The following MBNL2 variants were observed in gnomAD, a reference collection of about 807,000 sequenced individuals.
MBNL2 encodes the protein muscleblind-like protein 2.
In MBNL2, 17 loss-of-function variants were observed where a neutral mutation model predicts 41.9. The observed-to-expected ratio is 0.41, with a 90% CI of 0.28 to 0.61. The LOEUF (loss-of-function observed/expected upper bound fraction) is 0.61. MBNL2 is among the 20% of genes least tolerant of loss of function. The pLI, the probability that MBNL2 is intolerant of heterozygous loss-of-function variation, is 0.35. For synonymous variants in MBNL2, 195 were observed against 182.9 expected (o/e 1.07, Z -0.53); for missense variants, 336 against 505.6 (o/e 0.66, Z 3.22).
At chr13:97,262,986 C>T (rs1280319166) in intron 1 of MBNL2, among the ~76,000 whole-genome samples, 1 of 151,830 alleles carries the variant, frequency 6.6e-6, no homozygotes, top group Non-Finnish European at 1.5e-5. Flanking sequence ...GTAGTTTCAC[C>T]ACGTTGCCCA....
At position 97,376,882 on chromosome 13, in the gene MBNL2, A is replaced by G. The variant is rs527413956; in HGVS notation, c.1048+11711A>G. Among the ~76,000 whole-genome samples the G allele has an allele frequency of 5.0e-3, 756 of 152,354 alleles. 4 individuals carry two copies. Among genetic ancestry groups the G allele is most frequent in the African/African-American group, 0.017 (696 of 41,566 alleles). On this transcript the variant is annotated intron_variant, in intron 8 of 8. Coordinates refer to ENST00000679496, the MANE Select transcript of MBNL2 (RefSeq NM_001382683.1). ...AATTGGAATAGGAGCCCAGATGGGC[A>G]AAGTGGCTTACCCAATTCACACACA... is the stretch of plus-strand genomic sequence containing the variant.
At chr13:97,260,353 C>CA (rs1169073961) in intron 1 of MBNL2, among the ~76,000 whole-genome samples, 127 of 152,304 alleles carry the variant, frequency 8.3e-4, no homozygotes, top group Non-Finnish European at 1.7e-3. Context: ...TCTTGACAGT[C>CA]CCGCTCTGTG....
intron 1 of MBNL2, among the ~76,000 whole-genome samples, chr13:97,234,852 A>G (rs2042984396): frequency 6.6e-6 from 1 of 152,222 alleles, no homozygotes; most frequent in African/African-American, 2.4e-5. Context: ...AGTAGCGCTC[A>G]GTCCTCCCGA....
At chr13:97,158,678 A>T in the MBNL2 span, among the ~76,000 whole-genome samples, 25 of 152,036 alleles carry the variant, frequency 1.6e-4, no homozygotes, top group African/African-American at 3.6e-4. Context: ...AGGAGCAGGT[A>T]GTTCAGTTTC....
Position 97,272,062 on chromosome 13 carries a change from T to C in MBNL2, c.-604-3570T>C, listed in dbSNP as rs560352614. On this transcript the variant is annotated intron_variant, in intron 1 of 8. Transcript: ENST00000679496. Reference sequence around the variant, plus strand: ...CACCAACAGTATAAAAGCATTCCTATTTCTCCACAGCCTCGCCAGCATCTA... The same window carrying C: ...CACCAACAGTATAAAAGCATTCCTACTTCTCCACAGCCTCGCCAGCATCTA... Among the ~76,000 whole-genome samples the C allele has an allele frequency of 3.1e-4, 47 of 152,334 alleles. 1 individual carries two copies. In the South Asian group the frequency reaches 9.5e-3, roughly 31 times the overall value.
rs1234940311 is a variant in MBNL2, at chr13:97,393,372, ATTG to A, written c.*1928_*1930del. 3 of 152,318 alleles carry A rather than the reference ATTG, an allele frequency of 2.0e-5. No homozygotes were observed. The highest frequency in any genetic ancestry group is 2.1e-4 in the South Asian group (1 of 4,832). 9.4% of individuals were successfully genotyped at this position (152,318 alleles called of 1,614,324 possible). On this transcript the variant is annotated 3_prime_UTR_variant, in exon 9 of 9. Coordinates refer to ENST00000679496, the MANE Select transcript of MBNL2 (RefSeq NM_001382683.1). ...ATCACTGAAATATTTTTGTAGATTAATTGTTGTAACATTGTCTTTCTTTTTTTT... is the reference window on the plus strand; with the variant it reads ...ATCACTGAAATATTTTTGTAGATTAATTGTAACATTGTCTTTCTTTTTTTT...
rs1418529448 is a variant in MBNL2, at chr13:97,268,829, A to G, written c.-604-6803A>G. Among the ~76,000 whole-genome samples, 1 of 152,214 alleles carries G rather than the reference A, an allele frequency of 6.6e-6. No individual in the cohort carries two copies. Among genetic ancestry groups the G allele is most frequent in the East Asian group, 1.9e-4 (1 of 5,202 alleles). On this transcript the variant is annotated intron_variant, in intron 1 of 8. Coordinates refer to ENST00000679496, the MANE Select transcript of MBNL2 (RefSeq NM_001382683.1). The surrounding 1 kb of genome is among the most constrained non-coding windows in gnomAD (Gnocchi z 4.6). ...TACACTGTGGGGAGGCAGATGGAGA[A>G]ATCAGTATTTACAGTTCTTGTGAAT... is the stretch of plus-strand genomic sequence containing the variant.
chr13:97,301,324 A>G (rs1467409856), intron 2 of MBNL2, among the ~76,000 whole-genome samples: 1 of 152,192 alleles, frequency 6.6e-6, no homozygotes, highest in African/African-American at 2.4e-5. Context: ...GAGAAAATGA[A>G]GCAGAGAGCT....
chr13:97,391,139 G>A (rs2066372356), intron 8 of MBNL2, among the ~76,000 whole-genome samples, 183 bp from the exon 9 acceptor site: 1 of 152,108 alleles, frequency 6.6e-6, no homozygotes, highest in Admixed American at 6.6e-5. Flanking sequence ...AGCAGAAGTG[G>A]TTAAGTGTAA....
intron 2 of MBNL2, among the ~76,000 whole-genome samples, chr13:97,326,003 T>C (rs1159584859): frequency 1.4e-4 from 21 of 152,146 alleles, no homozygotes. Context: ...GATAGCAAGC[T>C]ATCCTAAATG....
At chr13:97,342,219 A>T (rs1482885189) in intron 3 of MBNL2, among the ~76,000 whole-genome samples, 1 of 152,218 alleles carries the variant, frequency 6.6e-6, no homozygotes, top group African/African-American at 2.4e-5. Context: ...TCATCACCTC[A>T]ACCCACTAGC....
intron 1 of MBNL2, among the ~76,000 whole-genome samples, chr13:97,249,539 T>A (rs536359428): frequency 6.6e-6 from 1 of 152,368 alleles, no homozygotes; most frequent in East Asian, 1.9e-4. Flanking sequence ...TAATGTCTGA[T>A]GAAATGAAGA....
chr13:97,182,571 T>C, the MBNL2 span, among the ~76,000 whole-genome samples: 1 of 152,194 alleles, frequency 6.6e-6, no homozygotes, highest in South Asian at 2.1e-4. Context: ...ACTCAGATAA[T>C]CTAGGCTTGG....
At chr13:97,212,668 T>C in the MBNL2 span, among the ~76,000 whole-genome samples, 2 of 152,194 alleles carry the variant, frequency 1.3e-5, no homozygotes, top group Admixed American at 1.3e-4. Flanking sequence ...TTCCCATCTG[T>C]AAACCTGAGA....
chr13:97,277,223 G>A (rs770918358), intron 2 of MBNL2, among the ~76,000 whole-genome samples: 1 of 152,154 alleles, frequency 6.6e-6, no homozygotes, highest in Non-Finnish European at 1.5e-5. Flanking sequence ...TCTAGAAGTG[G>A]CATGAGTTAA....
chr13:97,348,606 G>C (rs1450715761), intron 5 of MBNL2, among the ~76,000 whole-genome samples: 2 of 152,176 alleles, frequency 1.3e-5, no homozygotes, highest in African/African-American at 4.8e-5. Flanking sequence ...CCCTCAAGGA[G>C]TTTGGAGTTA....
At chr13:97,336,489 C>T (rs2060895476) in intron 3 of MBNL2, among the ~76,000 whole-genome samples, 1 of 152,000 alleles carries the variant, frequency 6.6e-6, no homozygotes, top group African/African-American at 2.4e-5. Flanking sequence ...TTGCAAGCGT[C>T]CTTATAAGAG....
At chr13:97,303,208 G>A (rs2057803565) in intron 2 of MBNL2, among the ~76,000 whole-genome samples, 1 of 152,128 alleles carries the variant, frequency 6.6e-6, no homozygotes, top group Non-Finnish European at 1.5e-5. Context: ...TCGGGGAGGT[G>A]GCAAAAGTCT....
Position 97,334,923 on chromosome 13 carries a change from A to G in MBNL2, c.339+483A>G, listed in dbSNP as rs972054353. On this transcript the variant is annotated intron_variant, in intron 3 of 8. Coordinates refer to ENST00000679496, the MANE Select transcript of MBNL2 (RefSeq NM_001382683.1). This position sits in a 1 kb window ranked among gnomAD's most constrained non-coding sequence, Gnocchi z 5.3. ...CTTGGAGCTGGGACTTAACTCAGACATGTTAGCAGAGCGCTTTCTGCAGTG... is the reference window on the plus strand; with the variant it reads ...CTTGGAGCTGGGACTTAACTCAGACGTGTTAGCAGAGCGCTTTCTGCAGTG... Among the ~76,000 whole-genome samples, 4 of 152,248 alleles carry G rather than the reference A, an allele frequency of 2.6e-5. No individual in the cohort carries two copies. Among genetic ancestry groups the G allele is most frequent in the African/African-American group, 9.6e-5 (4 of 41,466 alleles).
Sources: gnomAD v4.1 joint callset for allele counts (sites outside exome capture counted in the v4.1 genomes callset) on GRCh38, gnomAD v4.1.1 for gene constraint, Gnocchi (gnomAD v3.1) non-coding constraint, MANE v1.5 for transcripts, NCBI Gene and HGNC (gene_info 2026-07-23, HGNC 2026-07-21) for gene names.